The following COPG2 variants were observed in gnomAD, a reference collection of about 807,000 sequenced individuals.
COPG2 encodes the protein coatomer subunit gamma-2.
In COPG2, 37 loss-of-function variants were observed where a neutral mutation model predicts 46.3. The ratio of observed to expected loss-of-function variants is 0.80; its 90% CI spans 0.61 to 1.05. The LOEUF is 1.05. Ranked by LOEUF, COPG2 falls within the 50% of genes least tolerant of loss-of-function variation. COPG2 has a pLI of 0.00. For missense variants in COPG2, 427 were observed against 387.8 expected, an observed-to-expected ratio of 1.10 and a Z score of -0.85; for synonymous variants, 159 against 129.7, an observed-to-expected ratio of 1.23 and a Z score of -1.53.
rs1027002626 is a variant in COPG2, at chr7:130,585,949, C to T, written c.738-21556G>A. ...ACTAAAAGTAGAACTACCATTTGAT[C>T]CAGCAATCCCACTACGCAGTATCTA... On this transcript the variant is annotated intron_variant, in intron 9 of 23. Transcript: ENST00000425248. 3.9e-5 allele frequency among the ~76,000 whole-genome samples: 6 copies of T among 152,176 alleles called. No homozygotes were observed. The East Asian group carries it at 1.2e-3, about 29-fold the overall frequency.
At chr7:130,649,527 C>T (rs1795690312) in intron 5 of COPG2, among the ~76,000 whole-genome samples, 1 of 152,186 alleles carries the variant, frequency 6.6e-6, no homozygotes, top group Non-Finnish European at 1.5e-5. Context: ...TTGCAGTATA[C>T]AAGCCTGATG....
At chr7:130,510,204 T>G (rs782714744) in intron 20 of COPG2, 1 of 520,036 alleles carries the variant, frequency 1.9e-6, no homozygotes, top group Non-Finnish European at 3.8e-6. Context: ...AGCAGATGGA[T>G]TCAACAGAAT....
At chr7:130,665,077 A>G (rs1035288066) in intron 3 of COPG2, among the ~76,000 whole-genome samples, 20 of 115,802 alleles carry the variant, frequency 1.7e-4, no homozygotes, top group Non-Finnish European at 3.2e-4. Context: ...GCTACTCAGG[A>G]GGCTAAAGTA....
chr7:130,553,987 G>A (rs2116391104), intron 14 of COPG2, among the ~76,000 whole-genome samples: 1 of 152,258 alleles, frequency 6.6e-6, no homozygotes, highest in Admixed American at 6.5e-5. Flanking sequence ...ATTATTCTGA[G>A]TTAAAGAGAA....
At position 130,564,311 on chromosome 7, in the gene COPG2, T is replaced by C. The variant is rs1172169599; in HGVS notation, c.820A>G (p.Ile274Val). The change falls in exon 10 of 24, where the codon ATC (isoleucine) becomes GTC (valine). Residue 274 changes from isoleucine (I) to valine (V), a missense_variant. Ile to Val is a conservative substitution (Grantham distance 29, BLOSUM62 3). Transcript: ENST00000425248. ...EMVIYEAASAIIHLPNCTARE... is the reference protein window; with the variant it reads ...EMVIYEAASAVIHLPNCTARE... ...GCAGTGCAGTTAGGAAGATGGATGA[T>C]AGCTGAAGCAGCTTCATAAATAACC... 1.5e-5 allele frequency: 6 copies of C among 398,506 alleles called. No homozygotes were observed. Among genetic ancestry groups the C allele is most frequent in the Non-Finnish European group, 2.7e-5 (6 of 226,058 alleles). The allele number at this position is 398,506 out of a possible 1,614,324, so 24.7% of individuals were successfully genotyped here.
At chr7:130,586,727 G>A (rs570303444) in intron 9 of COPG2, among the ~76,000 whole-genome samples, 24 of 151,942 alleles carry the variant, frequency 1.6e-4, no homozygotes, top group Non-Finnish European at 2.5e-4. Context: ...CTCCCAAAGT[G>A]CTGGGATTAC....
intron 20 of COPG2, among the ~76,000 whole-genome samples, chr7:130,510,611 T>G (rs1799579395): frequency 1.3e-5 from 2 of 152,140 alleles, no homozygotes; most frequent in Admixed American, 6.5e-5. Context: ...GGCTGAGTTT[T>G]ATGTGGAGGT....
intron 17 of COPG2, among the ~76,000 whole-genome samples, chr7:130,549,766 C>T (rs953244654): frequency 6.6e-6 from 1 of 152,204 alleles, no homozygotes; most frequent in Non-Finnish European, 1.5e-5. Context: ...GTTTTGTGTT[C>T]TAACCACTAA....
chr7:130,578,557 G>A (rs1384244829), intron 9 of COPG2, among the ~76,000 whole-genome samples: 5 of 150,590 alleles, frequency 3.3e-5, no homozygotes, highest in Admixed American at 6.6e-5. Flanking sequence ...TCTGAGCTAC[G>A]GGAGGACATT....
chr7:130,616,602 GA>G (rs1416351305), intron 6 of COPG2, among the ~76,000 whole-genome samples: 1 of 151,882 alleles, frequency 6.6e-6, no homozygotes, highest in African/African-American at 2.4e-5. Flanking sequence ...AAAAGAAAAA[GA>G]AAAAAAATCT....
At chr7:130,523,560 G>A (rs936428540) in intron 20 of COPG2, among the ~76,000 whole-genome samples, 9 of 152,148 alleles carry the variant, frequency 5.9e-5, no homozygotes, top group African/African-American at 2.2e-4. Context: ...TCAGGTGTGG[G>A]AACACAGTTC....
At chr7:130,566,813 C>A (rs1027411093) in intron 9 of COPG2, among the ~76,000 whole-genome samples, 1 of 152,140 alleles carries the variant, frequency 6.6e-6, no homozygotes, top group Non-Finnish European at 1.5e-5. Context: ...GTCAGGCAGT[C>A]GGGCAGGATG....
intron 3 of COPG2, among the ~76,000 whole-genome samples, chr7:130,663,263 T>C (rs1221077441): frequency 6.6e-6 from 1 of 152,190 alleles, no homozygotes; most frequent in Non-Finnish European, 1.5e-5. Flanking sequence ...TCGCATACCA[T>C]GCTTAAAAGT....
intron 20 of COPG2, among the ~76,000 whole-genome samples, chr7:130,539,867 TGTG>T (rs1380032317): frequency 6.6e-6 from 1 of 151,856 alleles, no homozygotes; most frequent in African/African-American, 2.4e-5. Flanking sequence ...AACAAAGGAA[TGTG>T]GAGTGCTCAG....
chr7:130,561,626 C>T (rs899686730), intron 11 of COPG2, among the ~76,000 whole-genome samples: 28 of 152,214 alleles, frequency 1.8e-4, no homozygotes, highest in African/African-American at 6.3e-4. Context: ...CATTTCAAGA[C>T]GCAAACTCCA....
At chr7:130,597,113 C>A (rs1317630421) in intron 9 of COPG2, among the ~76,000 whole-genome samples, 2 of 152,214 alleles carry the variant, frequency 1.3e-5, no homozygotes, top group African/African-American at 4.8e-5. Context: ...ACCAGATACC[C>A]TGCACGATCC....
intron 20 of COPG2, among the ~76,000 whole-genome samples, chr7:130,539,457 A>G (rs1210176814): frequency 2.0e-5 from 3 of 152,192 alleles, no homozygotes; most frequent in African/African-American, 7.2e-5. Flanking sequence ...CAGTTCTTGA[A>G]GAGAAGGTGG....
At chr7:130,547,910 C>G (rs1235513889) in intron 19 of COPG2, 65 bp from the exon 20 acceptor site, 1 of 398,466 alleles carries the variant, frequency 2.5e-6, no homozygotes, top group Non-Finnish European at 4.4e-6. Flanking sequence ...TCATAACCCA[C>G]TACTCAGCTC....
Position 130,667,546 on chromosome 7 carries a change from A to G in COPG2, c.38-12T>C, listed in dbSNP as rs782612667. The G allele has an allele frequency of 1.6e-5, 26 of 1,611,742 alleles. No homozygotes were observed. In the Admixed American group the frequency reaches 2.3e-4, roughly 14 times the overall value. ...ATTGGAGCCACTACCTATTTATAAA[A>G]CAAAACAAAAAAATGTCCTGAACAG... On this transcript the variant is annotated splice_polypyrimidine_tract_variant and intron_variant, in intron 1 of 23. Transcript: ENST00000425248.
Sources: allele counts gnomAD v4.1 joint callset (sites outside exome capture counted in the v4.1 genomes callset), GRCh38; gene constraint gnomAD v4.1.1; transcripts MANE v1.5; gene names NCBI Gene and HGNC (gene_info 2026-07-23, HGNC 2026-07-21).